The following CALN1 variants were observed in gnomAD, a reference collection of about 807,000 sequenced individuals.
The protein encoded by CALN1 is calneuron 1, also known as calcium-binding protein 8.
CALN1 carries 17 observed loss-of-function variants against 30.6 expected under a neutral mutation model. The ratio of observed to expected loss-of-function variants is 0.56; its 90% CI spans 0.38 to 0.83. CALN1 has a LOEUF of 0.83. Ranked by LOEUF, CALN1 falls within the 40% of genes least tolerant of loss-of-function variation. The pLI, the probability that CALN1 is intolerant of heterozygous loss-of-function variation, is 0.00. For synonymous variants in CALN1, 156 were observed against 131.4 expected (o/e 1.19, Z -1.28); for missense variants, 291 against 354.9 (o/e 0.82, Z 1.45).
chr7:72,459,264 T>C, the CALN1 span, among the ~76,000 whole-genome samples: 1 of 152,186 alleles, frequency 6.6e-6, no homozygotes, highest in African/African-American at 2.4e-5. Flanking sequence ...TGCGCGATTT[T>C]TCAACCTCAC....
At chr7:72,479,565 T>G in the CALN1 span, among the ~76,000 whole-genome samples, 7 of 151,190 alleles carry the variant, frequency 4.6e-5, no homozygotes, top group Non-Finnish European at 8.9e-5. Context: ...TTTTTTTTTT[T>G]TTTTTGAGAT....
At chr7:72,321,351 G>A (rs528344030) in intron 2 of CALN1, among the ~76,000 whole-genome samples, 61 of 152,254 alleles carry the variant, frequency 4.0e-4, no homozygotes, top group East Asian at 2.9e-3. Context: ...TAGTCATCAC[G>A]CGTTGAGCAC....
intron 1 of CALN1, among the ~76,000 whole-genome samples, chr7:72,443,320 G>C (rs76604880): frequency 0.015 from 2,343 of 152,270 alleles, 63 homozygotes; most frequent in African/African-American, 0.054. Context: ...AAGGATCAAT[G>C]CTCAGTGCGT....
intron 3 of CALN1, among the ~76,000 whole-genome samples, chr7:72,137,357 C>T (rs1809584856): frequency 6.6e-6 from 1 of 152,126 alleles, no homozygotes. Context: ...GGCGATGCTC[C>T]TGCTCTGTCA....
upstream of CALN1, chr7:72,447,212 AAAGGGCTAGAGTCCCAATTTG>A (rs1808555078): frequency 6.5e-6 from 1 of 152,768 alleles, no homozygotes; most frequent in African/African-American, 2.4e-5. Context: ...GAGCAGATTT[AAAGGGCTAGAGTCCCAATTTG>A]AAGGGTGCCA....
At chr7:72,218,538 G>A (rs1793022525) in intron 3 of CALN1, among the ~76,000 whole-genome samples, 1 of 152,164 alleles carries the variant, frequency 6.6e-6, no homozygotes, top group Admixed American at 6.6e-5. Flanking sequence ...GTGATTTGTT[G>A]CTTTTTCTGT....
chr7:72,411,241 T>G (rs1157528427), intron 1 of CALN1, among the ~76,000 whole-genome samples: 2 of 152,212 alleles, frequency 1.3e-5, no homozygotes, highest in African/African-American at 4.8e-5. Context: ...GTATTTCAAG[T>G]TAATGGCTTA....
chr7:71,812,870 A>C (rs1788036341), intron 5 of CALN1, among the ~76,000 whole-genome samples: 1 of 151,688 alleles, frequency 6.6e-6, no homozygotes, highest in Admixed American at 6.6e-5. Flanking sequence ...CATCCTCCTA[A>C]GTAGTTAGGA....
chr7:71,897,594 T>A (rs1389040401), intron 5 of CALN1, among the ~76,000 whole-genome samples: 1 of 152,132 alleles, frequency 6.6e-6, no homozygotes, highest in Non-Finnish European at 1.5e-5. Context: ...TGAAATTTAT[T>A]TTCTAATGAA....
chr7:71,795,725 T>C (rs1444564240), intron 6 of CALN1, among the ~76,000 whole-genome samples: 1 of 151,990 alleles, frequency 6.6e-6, no homozygotes, highest in Non-Finnish European at 1.5e-5. Flanking sequence ...AATACGATCA[T>C]ACAGTAGGTG....
At chr7:72,409,908 T>C (rs778947089) in intron 1 of CALN1, among the ~76,000 whole-genome samples, 1 of 152,200 alleles carries the variant, frequency 6.6e-6, no homozygotes, top group African/African-American at 2.4e-5. Flanking sequence ...GAGGGCCACA[T>C]TATAATCAGT....
intron 5 of CALN1, among the ~76,000 whole-genome samples, chr7:72,008,694 TG>T (rs1799909914): frequency 6.6e-6 from 1 of 151,654 alleles, no homozygotes; most frequent in African/African-American, 2.4e-5. Flanking sequence ...TTCACGCTTT[TG>T]CCCAGGCTGG....
intron 4 of CALN1, among the ~76,000 whole-genome samples, chr7:72,037,283 T>G (rs1255005226): frequency 6.6e-6 from 1 of 152,176 alleles, no homozygotes; most frequent in African/African-American, 2.4e-5. Context: ...CCCGAGTAGC[T>G]GGGACCACAG....
intron 6 of CALN1, among the ~76,000 whole-genome samples, chr7:71,809,290 G>A (rs918750311): frequency 6.6e-6 from 1 of 151,748 alleles, no homozygotes; most frequent in Non-Finnish European, 1.5e-5. Context: ...GGGAGCCTGG[G>A]TTTGCATGGA....
intron 2 of CALN1, among the ~76,000 whole-genome samples, chr7:72,317,406 A>G (rs1800560389): frequency 6.6e-6 from 1 of 152,238 alleles, no homozygotes; most frequent in Admixed American, 6.5e-5. Flanking sequence ...ATCATCCCAC[A>G]GAGGATTTAT....
At chr7:72,331,238 T>C (rs1383074043) in intron 2 of CALN1, among the ~76,000 whole-genome samples, 1 of 151,880 alleles carries the variant, frequency 6.6e-6, no homozygotes, top group East Asian at 1.9e-4. Flanking sequence ...TAATCCCAGC[T>C]ACTCAAGAGG....
intron 3 of CALN1, among the ~76,000 whole-genome samples, chr7:72,259,003 C>A (rs186733226): frequency 6.6e-6 from 1 of 151,774 alleles, no homozygotes; most frequent in African/African-American, 2.4e-5. Flanking sequence ...ATTGCTTGAA[C>A]CTGGGAGGCG....
chr7:71,779,734 TCTG>T lies in CALN1; in HGVS notation c.*8038_*8040del, dbSNP rs1792619967. 1 of 152,188 alleles carries T rather than the reference TCTG, an allele frequency of 6.6e-6. No homozygotes were observed. Among genetic ancestry groups the T allele is most frequent in the African/African-American group, 2.4e-5 (1 of 41,442 alleles). The allele number at this position is 152,188 out of a possible 1,614,324, so 9.4% of individuals were successfully genotyped here. ...TATATAAAGATTCTTTTTTGACTAG[TCTG>T]CTGACTTTCTCATCACTTAATAGCA... is the stretch of plus-strand genomic sequence containing the variant. On this transcript the variant is annotated 3_prime_UTR_variant, in exon 7 of 7. Transcript: ENST00000395275.
intron 3 of CALN1, among the ~76,000 whole-genome samples, chr7:72,108,378 T>A (rs975936331): frequency 1.3e-5 from 2 of 152,232 alleles, no homozygotes; most frequent in African/African-American, 2.4e-5. Context: ...GGATTTGATA[T>A]CTTTGGGGGC....
Sources: gnomAD v4.1 joint callset for allele counts (sites outside exome capture counted in the v4.1 genomes callset) on GRCh38, gnomAD v4.1.1 for gene constraint, MANE v1.5 for transcripts, NCBI Gene and HGNC (gene_info 2026-07-23, HGNC 2026-07-21) for gene names.